The following NFIB variants were observed in gnomAD, a reference collection of about 807,000 sequenced individuals.
NFIB encodes the protein nuclear factor I B.
Under a neutral mutation model 61.5 loss-of-function variants are expected in NFIB, and 11 were observed. The ratio of observed to expected loss-of-function variants is 0.18; its 90% CI spans 0.11 to 0.30. The LOEUF is 0.30. Among genes scored for constraint, NFIB ranks in the 10% least tolerant of loss-of-function variants. NFIB has a pLI of 1.00. For missense variants in NFIB, 471 were observed against 608.9 expected (o/e 0.77, Z 2.38); for synonymous variants, 260 against 216.5 (o/e 1.20, Z -1.76).
the NFIB span, among the ~76,000 whole-genome samples, chr9:14,485,221 T>C: frequency 6.6e-6 from 1 of 152,312 alleles, no homozygotes; most frequent in African/African-American, 2.4e-5. Context: ...CCTCATGACA[T>C]CTTGTCCAAT....
rs1277064001 is a variant in NFIB, at chr9:14,085,044, T to C, written c.*3265A>G. 4.4e-6 allele frequency: 1 copy of C among 227,614 alleles called. No individual in the cohort carries two copies. Among genetic ancestry groups the C allele is most frequent in the Admixed American group, 5.7e-5 (1 of 17,576 alleles). 14.1% of individuals were successfully genotyped at this position (227,614 alleles called of 1,614,324 possible). A position where few individuals can be genotyped will look rare whatever the true frequency, so the allele number is the denominator to read the frequency against. ...ATTTGTTCACCTAATAGGTCAAAGA[T>C]ACATGAAGAGCTTGGCTGAGATGAT... On this transcript the variant is annotated 3_prime_UTR_variant, in exon 11 of 11. Coordinates refer to ENST00000380953, the MANE Select transcript of NFIB (RefSeq NM_001190737.2).
At chr9:14,216,142 C>T (rs553203686) in intron 2 of NFIB, among the ~76,000 whole-genome samples, 3 of 152,162 alleles carry the variant, frequency 2.0e-5, no homozygotes, top group Non-Finnish European at 2.9e-5. Flanking sequence ...GATAGGTTGG[C>T]AATGGCTACC....
intron 6 of NFIB, among the ~76,000 whole-genome samples, chr9:14,134,125 G>A (rs1472809130): frequency 6.6e-6 from 1 of 152,112 alleles, no homozygotes; most frequent in Non-Finnish European, 1.5e-5. Flanking sequence ...AAGTCACAGG[G>A]CCATAAAGAA....
At chr9:14,387,876 T>C (rs919687600) in intron 1 of NFIB, among the ~76,000 whole-genome samples, 2 of 152,184 alleles carry the variant, frequency 1.3e-5, no homozygotes, top group African/African-American at 4.8e-5. Context: ...TAGAGCACAG[T>C]GGGGTAAGCC....
chr9:14,176,855 C>G (rs1282238022), intron 3 of NFIB, among the ~76,000 whole-genome samples: 1 of 152,022 alleles, frequency 6.6e-6, no homozygotes, highest in Non-Finnish European at 1.5e-5. Context: ...ATAGGATGAT[C>G]GGATGGGATT....
intron 2 of NFIB, among the ~76,000 whole-genome samples, chr9:14,228,008 T>A (rs1487941043): frequency 6.6e-6 from 1 of 152,178 alleles, no homozygotes; most frequent in Non-Finnish European, 1.5e-5. Flanking sequence ...TCATTAATAA[T>A]TCATTTACTC....
chr9:14,236,197 T>G lies in NFIB; in HGVS notation c.563-56417A>C, dbSNP rs60182251. On this transcript the variant is annotated intron_variant, in intron 2 of 10. Coordinates refer to ENST00000380953, the MANE Select transcript of NFIB (RefSeq NM_001190737.2). ...GCCCACTAATAGCTAAATTGGCATCTTTATGAATTTAAGGTTCTCTATAAT... is the reference window on the plus strand; with the variant it reads ...GCCCACTAATAGCTAAATTGGCATCGTTATGAATTTAAGGTTCTCTATAAT... 6.5e-3 allele frequency among the ~76,000 whole-genome samples: 985 copies of G among 152,286 alleles called. 17 individuals are homozygous for G. The highest frequency in any genetic ancestry group is 0.022 in the African/African-American group (924 of 41,550).
chr9:14,167,086 G>A (rs566624940), intron 3 of NFIB, among the ~76,000 whole-genome samples: 7 of 148,596 alleles, frequency 4.7e-5, no homozygotes, highest in South Asian at 2.2e-4. Context: ...TGTGTGTCGG[G>A]GGGGGGGGGT....
At chr9:14,118,600 T>A (rs1352812902) in intron 8 of NFIB, among the ~76,000 whole-genome samples, 1 of 152,066 alleles carries the variant, frequency 6.6e-6, no homozygotes, top group African/African-American at 2.4e-5. Flanking sequence ...ACTAAAAATT[T>A]CTATCTTTTA....
intron 1 of NFIB, among the ~76,000 whole-genome samples, chr9:14,378,725 T>A (rs531254968): frequency 1.4e-4 from 22 of 152,314 alleles, no homozygotes; most frequent in African/African-American, 4.3e-4. Flanking sequence ...AGGCATCATC[T>A]GCAAAAATGG....
In NFIB at chr9:14,293,415, A is replaced by G. The variant is rs1200175941; in HGVS notation, c.562+13574T>C. Among the ~76,000 whole-genome samples the G allele has an allele frequency of 2.0e-5, 3 of 152,194 alleles. No individual in the cohort carries two copies. The East Asian group carries it at 5.8e-4, about 29-fold the overall frequency. ...ATCCTTCATGAAATATTTTCTCTGT[A>G]ACTGGAACACCCAAGGTTGAATTCA... On this transcript the variant is annotated intron_variant, in intron 2 of 10. Coordinates refer to ENST00000380953, the MANE Select transcript of NFIB (RefSeq NM_001190737.2).
chr9:14,511,871 A>G, the NFIB span, among the ~76,000 whole-genome samples: 1 of 152,180 alleles, frequency 6.6e-6, no homozygotes, highest in African/African-American at 2.4e-5. Context: ...TTCTTTTACC[A>G]TATAAAGTTC....
chr9:14,409,259 A>G, the NFIB span, among the ~76,000 whole-genome samples: 1 of 152,166 alleles, frequency 6.6e-6, no homozygotes, highest in Non-Finnish European at 1.5e-5. Flanking sequence ...AGCTTATATA[A>G]TTTAATTTTT....
intron 2 of NFIB, among the ~76,000 whole-genome samples, chr9:14,279,536 C>A (rs2058230727): frequency 6.6e-6 from 1 of 152,132 alleles, no homozygotes; most frequent in South Asian, 2.1e-4. Flanking sequence ...GAAAGACCCT[C>A]AAGGCAACAG....
rs528681760 is a variant in NFIB at position 14,118,839 on chromosome 9, G to C, written c.1245+1601C>G. Among the ~76,000 whole-genome samples, 3 of 147,078 alleles carry C rather than the reference G, an allele frequency of 2.0e-5. No homozygotes were observed. In the South Asian group the frequency reaches 6.4e-4, roughly 31 times the overall value. The stretch of plus-strand genomic sequence containing the variant: ...GTGATATGTATCTTGAAAAAGTGAA[G>C]AAAAACTGAGAACAATATAGGCAGA... On this transcript the variant is annotated intron_variant, in intron 8 of 10. Coordinates refer to ENST00000380953, the MANE Select transcript of NFIB (RefSeq NM_001190737.2).
chr9:14,116,565 G>A (rs2038176556), intron 8 of NFIB, among the ~76,000 whole-genome samples: 1 of 152,216 alleles, frequency 6.6e-6, no homozygotes, highest in Non-Finnish European at 1.5e-5. Flanking sequence ...GCACGTCATG[G>A]TATAGGTGAA....
intron 1 of NFIB, among the ~76,000 whole-genome samples, chr9:14,369,173 G>A (rs374612307): frequency 1.3e-5 from 2 of 152,112 alleles, no homozygotes; most frequent in Non-Finnish European, 2.9e-5. Flanking sequence ...ACAGTAACTC[G>A]TCCAAGGTCA....
chr9:14,322,173 G>A (rs1327618323), intron 1 of NFIB: 2 of 1,182,446 alleles, frequency 1.7e-6, no homozygotes, highest in Admixed American at 4.3e-5. Context: ...GGCCCGAGAA[G>A]AAAAGGCGGT....
chr9:14,449,684 A>G, the NFIB span, among the ~76,000 whole-genome samples: 1 of 152,078 alleles, frequency 6.6e-6, no homozygotes. Context: ...AATCCCAGCA[A>G]TTTGGGAGGC....
Sources: allele counts gnomAD v4.1 joint callset (sites outside exome capture counted in the v4.1 genomes callset), GRCh38; gene constraint gnomAD v4.1.1; transcripts MANE v1.5; gene names NCBI Gene and HGNC (gene_info 2026-07-23, HGNC 2026-07-21).